CHCHD3: variants seen among roughly 807,000 people sequenced by gnomAD.
The protein encoded by CHCHD3 is MICOS complex subunit MIC19.
A neutral mutation model predicts 38.2 loss-of-function variants in CHCHD3; 20 were observed. That is an observed-to-expected ratio of 0.52 (90% CI 0.37 to 0.76). The LOEUF (loss-of-function observed/expected upper bound fraction) is 0.76. Ranked by LOEUF, CHCHD3 falls within the 30% of genes least tolerant of loss-of-function variation. CHCHD3 has a pLI of 0.00. For synonymous variants in CHCHD3, 82 were observed against 100.0 expected (o/e 0.82, Z 1.07); for missense variants, 245 against 279.2 (o/e 0.88, Z 0.87).
At position 132,807,606 on chromosome 7, in the gene CHCHD3, AATATATATATATATATATATATAT is replaced by A. The variant is rs55835343; in HGVS notation, c.525-11053_525-11030del. Among the ~76,000 whole-genome samples, 197 of 108,952 alleles carry A rather than the reference AATATATATATATATATATATATAT, an allele frequency of 1.8e-3. 1 individual carries two copies. Among genetic ancestry groups the A allele is most frequent in the Non-Finnish European group, 2.2e-3 (116 of 51,974 alleles). The allele number at this position is 108,952 out of a possible 152,430, so 71.5% of individuals were successfully genotyped here. On this transcript the variant is annotated intron_variant, in intron 6 of 7. Transcript: ENST00000262570. ...CCATGTATATGCTAACATACACATA[AATATATATATATATATATATATAT>A]ATATATATATATATACTTGACATAA...
chr7:132,894,994 T>C (rs558842283), intron 4 of CHCHD3, among the ~76,000 whole-genome samples: 1 of 152,326 alleles, frequency 6.6e-6, no homozygotes, highest in African/African-American at 2.4e-5. Flanking sequence ...CAGTGATGTT[T>C]TGCTAATTAG....
intron 4 of CHCHD3, among the ~76,000 whole-genome samples, chr7:132,964,289 TAA>T (rs751036887): frequency 6.6e-6 from 1 of 152,044 alleles, no homozygotes; most frequent in Non-Finnish European, 1.5e-5. Flanking sequence ...ATGTTAGACA[TAA>T]AAAAGAGTAG....
intron 3 of CHCHD3, among the ~76,000 whole-genome samples, chr7:132,982,703 A>G (rs997474234): frequency 3.3e-5 from 5 of 152,232 alleles, no homozygotes; most frequent in Non-Finnish European, 7.3e-5. Flanking sequence ...TCCTCACAAC[A>G]ACCCTATTAA....
chr7:132,843,678 T>C (rs1335000946), intron 5 of CHCHD3, among the ~76,000 whole-genome samples: 4 of 152,184 alleles, frequency 2.6e-5, no homozygotes, highest in African/African-American at 9.7e-5. Flanking sequence ...TTCAGAAAGG[T>C]TGCTTTTGTT....
chr7:132,871,995 C>A (rs935750872), intron 5 of CHCHD3, among the ~76,000 whole-genome samples: 1 of 152,148 alleles, frequency 6.6e-6, no homozygotes, highest in Non-Finnish European at 1.5e-5. Context: ...GCAGAGAGAA[C>A]GCAAGCATGG....
chr7:132,973,397 T>G (rs1354418276), intron 4 of CHCHD3: 1 of 985,424 alleles, frequency 1.0e-6, no homozygotes, highest in Non-Finnish European at 1.2e-6. Context: ...CTGATATTTT[T>G]TCAGCTTCCT....
chr7:133,045,130 C>T (rs1562947289), intron 2 of CHCHD3, among the ~76,000 whole-genome samples: 1 of 152,154 alleles, frequency 6.6e-6, no homozygotes, highest in East Asian at 1.9e-4. Flanking sequence ...GCTTATGATT[C>T]CCCACCTAAG....
At chr7:132,793,935 C>A (rs1806535224) in intron 7 of CHCHD3, among the ~76,000 whole-genome samples, 1 of 152,184 alleles carries the variant, frequency 6.6e-6, no homozygotes, top group Non-Finnish European at 1.5e-5. Context: ...AACAGGGGCA[C>A]AGCTGGGGTC....
intron 1 of CHCHD3, among the ~76,000 whole-genome samples, chr7:133,077,546 T>C (rs987527589): frequency 2.0e-5 from 3 of 152,256 alleles, no homozygotes; most frequent in Non-Finnish European, 2.9e-5. Flanking sequence ...TCTTTGAAAA[T>C]GATACTCATT....
At chr7:132,834,473 A>C (rs1318222934) in intron 6 of CHCHD3, among the ~76,000 whole-genome samples, 1 of 152,200 alleles carries the variant, frequency 6.6e-6, no homozygotes, top group Non-Finnish European at 1.5e-5. Context: ...TCAAAACGCA[A>C]AAATCCAAGG....
chr7:132,901,127 A>C (rs1809654477), intron 4 of CHCHD3, among the ~76,000 whole-genome samples: 1 of 152,240 alleles, frequency 6.6e-6, no homozygotes, highest in African/African-American at 2.4e-5. Flanking sequence ...TCAGCCCTTT[A>C]CAACATCCCA....
intron 4 of CHCHD3, among the ~76,000 whole-genome samples, chr7:132,967,192 A>C (rs1007975520): frequency 2.6e-5 from 4 of 152,238 alleles, no homozygotes; most frequent in Admixed American, 1.3e-4. Context: ...AGAAAATATG[A>C]GAACACATTC....
intron 4 of CHCHD3, chr7:132,887,074 TG>T (rs1255116455): frequency 6.2e-6 from 4 of 648,202 alleles, no homozygotes; most frequent in African/African-American, 1.9e-5. Context: ...CAAAATCTGA[TG>T]GATAATATTT....
intron 2 of CHCHD3, among the ~76,000 whole-genome samples, chr7:133,029,952 G>GGTC (rs1245477203): frequency 6.6e-6 from 1 of 151,682 alleles, no homozygotes; most frequent in Non-Finnish European, 1.5e-5. Flanking sequence ...CATCACTTTT[G>GGTC]GTCCATAAAG....
At chr7:133,028,886 C>CAAAAAA (rs529303007) in intron 2 of CHCHD3, among the ~76,000 whole-genome samples, 2 of 94,032 alleles carry the variant, frequency 2.1e-5, no homozygotes, top group African/African-American at 3.8e-5. Context: ...CTCCATCTCA[C>CAAAAAA]AAAAAAAAAA....
intron 5 of CHCHD3, among the ~76,000 whole-genome samples, chr7:132,869,090 ACATT>A (rs2117146227): frequency 6.6e-6 from 1 of 152,346 alleles, no homozygotes; most frequent in African/African-American, 2.4e-5. Context: ...TTCTGATGGA[ACATT>A]CAAACACAAA....
intron 6 of CHCHD3, among the ~76,000 whole-genome samples, chr7:132,833,081 C>T (rs560254049): frequency 6.6e-6 from 1 of 152,290 alleles, no homozygotes; most frequent in Non-Finnish European, 1.5e-5. Flanking sequence ...AAGAACTACA[C>T]ATGTAACATT....
chr7:132,798,423 C>T (rs959357421), intron 6 of CHCHD3, among the ~76,000 whole-genome samples: 4 of 152,110 alleles, frequency 2.6e-5, no homozygotes, highest in African/African-American at 9.7e-5. Context: ...TAAAAGGAAT[C>T]AGCCGTGCTT....
At chr7:132,979,868 C>T (rs563652333) in intron 3 of CHCHD3, among the ~76,000 whole-genome samples, 1 of 152,276 alleles carries the variant, frequency 6.6e-6, no homozygotes, top group South Asian at 2.1e-4. Context: ...CCCAACCCTC[C>T]CCTCCAAAAT....
Sources: gnomAD v4.1 joint callset for allele counts (sites outside exome capture counted in the v4.1 genomes callset) on GRCh38, gnomAD v4.1.1 for gene constraint, MANE v1.5 for transcripts, NCBI Gene and HGNC (gene_info 2026-07-23, HGNC 2026-07-21) for gene names.